DHX8: variants seen among roughly 807,000 people sequenced by gnomAD.
DHX8 encodes the protein ATP-dependent RNA helicase DHX8.
A neutral mutation model predicts 140.7 loss-of-function variants in DHX8; 67 were observed. That is an observed-to-expected ratio of 0.48 (90% CI 0.39 to 0.58). The LOEUF is 0.58. Ranked by LOEUF, DHX8 falls within the 20% of genes least tolerant of loss-of-function variation. The probability of loss-of-function intolerance (pLI) is 0.00; values close to 1 mark genes in which losing one functional copy is unlikely to be tolerated. For missense variants in DHX8, 887 were observed against 1,550.7 expected (o/e 0.57, Z 7.19); for synonymous variants, 533 against 553.2 (o/e 0.96, Z 0.51).
In DHX8 at chr17:43,492,850, A is replaced by G. The variant is rs1198105224; in HGVS notation, c.673A>G (p.Arg225Gly). The change falls in exon 6 of 23, where the codon AGG becomes GGG. Residue 225 changes from arginine to glycine, a missense_variant. This residue lies in a region of DHX8 where 304 missense variants were observed against 306.9 expected (regional missense o/e 0.99). Coordinates refer to ENST00000262415, the MANE Select transcript of DHX8 (RefSeq NM_004941.3). Reference sequence around the variant, plus strand: ...TAAAGTGAAGTCTAGATATCGGTCCAGGAGCAGGAGTCAGAGTCCCCCCAA... The same window carrying G: ...TAAAGTGAAGTCTAGATATCGGTCCGGGAGCAGGAGTCAGAGTCCCCCCAA... The part of the protein sequence containing the change: ...RNKVKSRYRS[R>G]SRSQSPPKDR... 2 of 1,614,180 alleles carry G rather than the reference A, an allele frequency of 1.2e-6. No individual in the cohort carries two copies. The highest frequency in any genetic ancestry group is 2.2e-5 in the South Asian group (2 of 91,080).
intron 2 of DHX8, chr17:43,532,732 C>T (rs375589509): frequency 2.5e-6 from 4 of 1,614,062 alleles, no homozygotes; most frequent in African/African-American, 2.7e-5. Flanking sequence ...CCCCTGGGTA[C>T]CTGTGCCCAT....
At chr17:43,521,125 G>A (rs116748556) in intron 20 of DHX8, among the ~76,000 whole-genome samples, 9 of 151,980 alleles carry the variant, frequency 5.9e-5, no homozygotes, top group African/African-American at 2.2e-4. Flanking sequence ...ACCGTGTGCT[G>A]CTAATTTTTG....
intron 1 of DHX8, among the ~76,000 whole-genome samples, chr17:43,485,664 C>T (rs900452867): frequency 2.0e-5 from 3 of 151,972 alleles, no homozygotes; most frequent in Non-Finnish European, 4.4e-5. Flanking sequence ...ACCTTTCTCT[C>T]TGTTTTCATT....
chr17:43,492,599 TG>T (rs1968589774), intron 5 of DHX8, 81 bp from the exon 6 acceptor site: 1 of 792,436 alleles, frequency 1.3e-6, no homozygotes, highest in African/African-American at 1.7e-5. Context: ...ACCATGTGCA[TG>T]GCACTGTACT....
intron 2 of DHX8, among the ~76,000 whole-genome samples, chr17:43,534,435 A>G (rs1415236858): frequency 1.3e-5 from 2 of 152,262 alleles, no homozygotes; most frequent in East Asian, 3.9e-4. Flanking sequence ...CGGGGATTGC[A>G]GTGAGCCGAG....
Position 43,491,327 on chromosome 17 carries a change from T to C in DHX8, c.393+77T>C, listed in dbSNP as rs545052235. ...TTTTCTTTGTCTCATAGTAATTTTATTAATTTTAAGTTTGCCTTTGTTGTA... is the reference window on the plus strand; with the variant it reads ...TTTTCTTTGTCTCATAGTAATTTTACTAATTTTAAGTTTGCCTTTGTTGTA... On this transcript the variant is annotated intron_variant, in intron 4 of 22. Coordinates refer to ENST00000262415, the MANE Select transcript of DHX8 (RefSeq NM_004941.3). 4 of 820,548 alleles carry C rather than the reference T, an allele frequency of 4.9e-6. No individual in the cohort carries two copies. The East Asian group carries it at 1.2e-4, about 24-fold the overall frequency. 50.8% of individuals were successfully genotyped at this position (820,548 alleles called of 1,614,324 possible). A position where few individuals can be genotyped will look rare whatever the true frequency, so the allele number is the denominator to read the frequency against.
intron 11 of DHX8, among the ~76,000 whole-genome samples, chr17:43,502,727 G>A (rs1746871606): frequency 2.0e-5 from 3 of 152,070 alleles, no homozygotes; most frequent in Admixed American, 2.0e-4. Context: ...CCTAGCCCTT[G>A]TCTCTATTTT....
chr17:43,512,714 A>AGTG (rs1969911996), intron 16 of DHX8, among the ~76,000 whole-genome samples: 2 of 152,160 alleles, frequency 1.3e-5, no homozygotes, highest in South Asian at 4.1e-4. Context: ...CGGTGCCCCC[A>AGTG]GTGATGATTT....
rs371554627 is a variant in DHX8 at position 43,493,599 on chromosome 17, A to G, written c.1008+10A>G. 5 of 1,614,142 alleles carry G rather than the reference A, an allele frequency of 3.1e-6. No homozygotes were observed. The highest frequency in any genetic ancestry group is 2.7e-5 in the African/African-American group (2 of 75,030). On this transcript the variant is annotated intron_variant, in intron 7 of 22. Transcript: ENST00000262415. ...CAGCCTGAGCATGAAGGTAGGTGAG[A>G]TGGTCAGCCTGTTCTTACATGTGAT... is the stretch of plus-strand genomic sequence containing the variant.
At chr17:43,542,175 A>G (rs752716444) in intron 3 of DHX8, among the ~76,000 whole-genome samples, 2 of 152,134 alleles carry the variant, frequency 1.3e-5, no homozygotes, top group Non-Finnish European at 2.9e-5. Context: ...AGATCGATCG[A>G]TCCCTTTGAG....
chr17:43,536,404 C>CT, intron 2 of DHX8: 2 of 1,611,124 alleles, frequency 1.2e-6, no homozygotes, highest in East Asian at 2.2e-5. Context: ...CCTATACCCT[C>CT]TCCCCAGGGA....
At chr17:43,528,867 C>G (rs1439088058), downstream of DHX8, 1 of 769,128 alleles carries the variant, frequency 1.3e-6, no homozygotes, top group East Asian at 2.7e-5. Flanking sequence ...CATTTCTCTC[C>G]CATGCTGGTT....
At chr17:43,501,725 TCC>T (rs56041789) in intron 11 of DHX8, among the ~76,000 whole-genome samples, 5 of 150,690 alleles carry the variant, frequency 3.3e-5, no homozygotes, top group Admixed American at 1.3e-4. Context: ...CCTCAGGTGA[TCC>T]CCCCCCCATC....
At chr17:43,518,793 C>T (rs1970239325) in intron 18 of DHX8, 1 of 152,170 alleles carries the variant, frequency 6.6e-6, no homozygotes, top group East Asian at 1.9e-4. Flanking sequence ...TACTCTTCTA[C>T]TTTTTACCTC....
downstream of DHX8, chr17:43,526,381 T>C (rs962626668): frequency 1.3e-6 from 2 of 1,500,552 alleles, no homozygotes; most frequent in Non-Finnish European, 8.9e-7. Flanking sequence ...TTTGTGTATA[T>C]GGCAGGACCG....
chr17:43,484,315 A>T (rs1371767850), intron 1 of DHX8, 130 bp downstream of exon 1: 1 of 1,141,638 alleles, frequency 8.8e-7, no homozygotes, highest in East Asian at 2.5e-5. Flanking sequence ...TGTCGCAGAC[A>T]CCGGTGCCCA....
chr17:43,532,659 A>AC, intron 2 of DHX8: 1 of 1,604,396 alleles, frequency 6.2e-7, no homozygotes, highest in Non-Finnish European at 8.5e-7. Context: ...ACCCTGCCCC[A>AC]CCCCAGTCTC....
chr17:43,506,981 A>G (rs1969531736), intron 12 of DHX8, 22 bp from the exon 13 acceptor site: 2 of 1,543,440 alleles, frequency 1.3e-6, no homozygotes, highest in East Asian at 4.5e-5. Context: ...TAATGACCAT[A>G]TTTATATTCT....
At chr17:43,536,193 T>A (rs1213388126) in intron 2 of DHX8, 1 of 552,744 alleles carries the variant, frequency 1.8e-6, no homozygotes, top group Non-Finnish European at 3.2e-6. Context: ...ACTTCAGATA[T>A]AAGGCAATGG....
Sources: allele counts gnomAD v4.1 joint callset (sites outside exome capture counted in the v4.1 genomes callset), GRCh38; gene constraint gnomAD v4.1.1; regional missense constraint gnomAD v4.1.1; transcripts MANE v1.5; gene names NCBI Gene and HGNC (gene_info 2026-07-23, HGNC 2026-07-21).